The following AP1S3 variants were observed in gnomAD, a reference collection of about 807,000 sequenced individuals.
AP1S3 encodes AP-1 complex subunit sigma-3.
Under a neutral mutation model 20.9 loss-of-function variants are expected in AP1S3, and 10 were observed. The ratio of observed to expected loss-of-function variants is 0.48; its 90% CI spans 0.29 to 0.81. The LOEUF (loss-of-function observed/expected upper bound fraction) is 0.81. Among genes scored for constraint, AP1S3 ranks in the 30% least tolerant of loss-of-function variants. AP1S3 has a pLI of 0.08. For synonymous variants in AP1S3, 41 were observed against 61.5 expected (o/e 0.67, Z 1.56); for missense variants, 154 against 183.8 (o/e 0.84, Z 0.94).
intron 3 of AP1S3, among the ~76,000 whole-genome samples, chr2:223,766,383 G>A (rs1690479640): frequency 6.6e-6 from 1 of 152,122 alleles, no homozygotes; most frequent in Non-Finnish European, 1.5e-5. Context: ...TTGGTTGCCT[G>A]TTCACTCTGA....
intron 1 of AP1S3, among the ~76,000 whole-genome samples, chr2:223,813,101 T>C (rs1691771874): frequency 6.6e-6 from 1 of 151,996 alleles, no homozygotes; most frequent in Admixed American, 6.6e-5. Context: ...GCTTTTGTAT[T>C]TTACAATAAA....
At chr2:223,795,604 C>T (rs77420342) in intron 1 of AP1S3, among the ~76,000 whole-genome samples, 96,080 of 151,820 alleles carry the variant, frequency 0.63, 31,521 homozygotes, top group East Asian at 0.86. Flanking sequence ...GGCCAGGAGG[C>T]GCCAGGAGGC....
intron 1 of AP1S3, among the ~76,000 whole-genome samples, chr2:223,789,786 C>T (rs1477714071): frequency 2.0e-5 from 3 of 147,508 alleles, no homozygotes; most frequent in South Asian, 2.1e-4. Flanking sequence ...TGCCGTGAGC[C>T]GAGATCATGC....
chr2:223,801,953 G>A (rs1332169606), intron 1 of AP1S3, among the ~76,000 whole-genome samples: 1 of 152,154 alleles, frequency 6.6e-6, no homozygotes, highest in Non-Finnish European at 1.5e-5. Flanking sequence ...AATAAAATAG[G>A]TAGAAAAAGC....
intron 4 of AP1S3, among the ~76,000 whole-genome samples, chr2:223,761,416 C>A (rs1159938849): frequency 1.3e-5 from 2 of 152,164 alleles, no homozygotes; most frequent in Admixed American, 1.3e-4. Flanking sequence ...TCATGAGATA[C>A]AATCTGACCC....
At chr2:223,764,027 T>C (rs1163036029) in intron 4 of AP1S3, among the ~76,000 whole-genome samples, 1 of 152,206 alleles carries the variant, frequency 6.6e-6, no homozygotes, top group Non-Finnish European at 1.5e-5. Context: ...CCAGTGGTTC[T>C]ACTGCCTCAG....
intron 3 of AP1S3, among the ~76,000 whole-genome samples, chr2:223,774,732 T>G (rs1690722616): frequency 6.6e-6 from 1 of 152,172 alleles, no homozygotes; most frequent in Non-Finnish European, 1.5e-5. Context: ...AGGCAGATTC[T>G]GGTAAAGCAT....
intron 1 of AP1S3, among the ~76,000 whole-genome samples, chr2:223,791,943 G>C (rs995112679): frequency 6.6e-6 from 1 of 151,794 alleles, no homozygotes; most frequent in Admixed American, 6.6e-5. Flanking sequence ...TGCCACAAAA[G>C]GAATAAAATA....
In AP1S3 at chr2:223,770,763, C is replaced by G. The variant is rs539301515; in HGVS notation, c.291+5138G>C. Among the ~76,000 whole-genome samples the G allele has an allele frequency of 5.4e-5, 7 of 130,756 alleles. No homozygotes were observed. The East Asian group carries it at 1.6e-3, about 29-fold the overall frequency. The allele number at this position is 130,756 out of a possible 152,430, so 85.8% of individuals were successfully genotyped here. On this transcript the variant is annotated intron_variant, in intron 3 of 4. Transcript: ENST00000396654. ...TTTTTTTTTGGAAACAGTCTTACTC[C>G]GTCACCCAGGCTGGAGTGCAGTGGA...
In AP1S3 at chr2:223,755,514, T is replaced by C. The variant is rs1690189399; in HGVS notation, c.*3201A>G. ...TTTACCCCACTGTGCCATATAGATA[T>C]GTTTACTTACTTTCATTTTTTTTTT... is the stretch of plus-strand genomic sequence containing the variant. On this transcript the variant is annotated 3_prime_UTR_variant, in exon 5 of 5. Coordinates refer to ENST00000396654, the MANE Select transcript of AP1S3 (RefSeq NM_001039569.2). Among the ~76,000 whole-genome samples, 1 of 148,396 alleles carries C rather than the reference T, an allele frequency of 6.7e-6. No individual in the cohort carries two copies. Among genetic ancestry groups the C allele is most frequent in the Non-Finnish European group, 1.5e-5 (1 of 67,686 alleles).
intron 3 of AP1S3, among the ~76,000 whole-genome samples, chr2:223,774,227 T>G (rs1690705726): frequency 6.6e-6 from 1 of 152,120 alleles, no homozygotes. Context: ...GAGCCGGGCA[T>G]GGTGGCGGGG....
chr2:223,830,511 C>T (rs974037503), intron 1 of AP1S3, among the ~76,000 whole-genome samples: 2 of 150,338 alleles, frequency 1.3e-5, no homozygotes, highest in African/African-American at 4.9e-5. Context: ...TCATTCTGAA[C>T]AATACTCCAG....
chr2:223,815,798 G>T (rs2106121632), intron 1 of AP1S3, among the ~76,000 whole-genome samples: 1 of 152,242 alleles, frequency 6.6e-6, no homozygotes, highest in African/African-American at 2.4e-5. Context: ...AACTAATTTT[G>T]CCACAGGCTA....
intron 3 of AP1S3, among the ~76,000 whole-genome samples, chr2:223,772,993 T>C (rs577654613): frequency 9.8e-5 from 15 of 152,326 alleles, no homozygotes; most frequent in African/African-American, 3.1e-4. Flanking sequence ...AATTTTTTAA[T>C]AAATTAAATT....
At chr2:223,770,497 TACACACACACACACAC>T (rs58486635) in intron 3 of AP1S3, among the ~76,000 whole-genome samples, 1 of 141,640 alleles carries the variant, frequency 7.1e-6, no homozygotes, top group Non-Finnish European at 1.5e-5. Context: ...AGAGAGACAA[TACACACACACACACAC>T]ACACACACAC....
At chr2:223,797,536 T>G (rs1442298233) in intron 1 of AP1S3, among the ~76,000 whole-genome samples, 1 of 151,956 alleles carries the variant, frequency 6.6e-6, no homozygotes, top group African/African-American at 2.4e-5. Flanking sequence ...CTGAGGCAGG[T>G]GGGTCACCTG....
chr2:223,778,464 G>A (rs1690844421), intron 1 of AP1S3, among the ~76,000 whole-genome samples: 1 of 151,552 alleles, frequency 6.6e-6, no homozygotes, highest in African/African-American at 2.4e-5. Flanking sequence ...ACACACATAG[G>A]GAAAAATAAT....
At chr2:223,764,012 G>A (rs1414281613) in intron 4 of AP1S3, among the ~76,000 whole-genome samples, 3 of 152,120 alleles carry the variant, frequency 2.0e-5, no homozygotes, top group African/African-American at 4.8e-5. Flanking sequence ...TCCGCCTCCC[G>A]GGTTCCAGTG....
intron 1 of AP1S3, among the ~76,000 whole-genome samples, chr2:223,814,294 C>G (rs546783687): frequency 1.3e-5 from 2 of 152,280 alleles, no homozygotes; most frequent in African/African-American, 4.8e-5. Flanking sequence ...ATCTCACACT[C>G]TGTTCTTTGT....
Sources: gnomAD v4.1 joint callset for allele counts (sites outside exome capture counted in the v4.1 genomes callset) on GRCh38, gnomAD v4.1.1 for gene constraint, MANE v1.5 for transcripts, NCBI Gene and HGNC (gene_info 2026-07-23, HGNC 2026-07-21) for gene names.